The following FA2H variants were observed in gnomAD, a reference collection of about 807,000 sequenced individuals.
The protein encoded by FA2H is fatty acid 2-hydroxylase.
A neutral mutation model predicts 44.9 loss-of-function variants in FA2H; 22 were observed. That is an observed-to-expected ratio of 0.49 (90% CI 0.35 to 0.70). The LOEUF is 0.70. Among genes scored for constraint, FA2H ranks in the 30% least tolerant of loss-of-function variants. FA2H has a pLI of 0.01. For synonymous variants in FA2H, 243 were observed against 213.2 expected (o/e 1.14, Z -1.22); for missense variants, 501 against 504.9 (o/e 0.99, Z 0.07).
At chr16:74,756,391 C>A (rs1962613665) in intron 1 of FA2H, among the ~76,000 whole-genome samples, 1 of 152,132 alleles carries the variant, frequency 6.6e-6, no homozygotes, top group Admixed American at 6.5e-5. Context: ...ACACATGCTG[C>A]TGGGGGCTGC....
intron 1 of FA2H, among the ~76,000 whole-genome samples, chr16:74,748,869 T>G: frequency 6.6e-6 from 1 of 152,204 alleles, no homozygotes; most frequent in East Asian, 1.9e-4. Context: ...TCCCATAGCC[T>G]GGATTTTGCC....
intron 1 of FA2H, among the ~76,000 whole-genome samples, chr16:74,768,976 G>A (rs935940221): frequency 9.2e-5 from 14 of 152,086 alleles, no homozygotes; most frequent in African/African-American, 3.1e-4. Context: ...TCAGATATCT[G>A]CCAACGGTAG....
intron 1 of FA2H, 97 bp from the exon 2 acceptor site, chr16:74,740,212 A>G: frequency 1.0e-6 from 1 of 963,540 alleles, no homozygotes; most frequent in Middle Eastern, 2.3e-4. Flanking sequence ...GAGTGGTGAG[A>G]GCCCCGTGGG....
At chr16:74,751,226 C>A (rs143261658) in intron 1 of FA2H, among the ~76,000 whole-genome samples, 1,754 of 152,072 alleles carry the variant, frequency 0.012, 17 homozygotes, top group Middle Eastern at 0.021. Flanking sequence ...TCCCGAGTAG[C>A]TGGGATTATA....
intron 2 of FA2H, among the ~76,000 whole-genome samples, chr16:74,738,166 C>T (rs1006206281): frequency 3.9e-5 from 6 of 152,094 alleles, no homozygotes; most frequent in South Asian, 4.1e-4. Flanking sequence ...CTCGCCCTTC[C>T]GTCTCAGCCC....
intron 1 of FA2H, among the ~76,000 whole-genome samples, chr16:74,768,761 T>C (rs952679029): frequency 6.6e-6 from 1 of 152,162 alleles, no homozygotes; most frequent in Non-Finnish European, 1.5e-5. Flanking sequence ...AAGCTCTGAA[T>C]GGCCAGAGCC....
In FA2H at chr16:74,766,779, G is replaced by A. The variant is rs529913955; in HGVS notation, c.270+7707C>T. ...TGGAAACGATTACTGTGAAGAGTAA[G>A]AAAAACATCAATAATACCCCAGACA... On this transcript the variant is annotated intron_variant, in intron 1 of 6. Coordinates refer to ENST00000219368, the MANE Select transcript of FA2H (RefSeq NM_024306.5). Among the ~76,000 whole-genome samples, 12 of 152,308 alleles carry A rather than the reference G, an allele frequency of 7.9e-5. No individual in the cohort carries two copies. In the South Asian group the frequency reaches 1.9e-3, roughly 24 times the overall value.
intron 2 of FA2H, among the ~76,000 whole-genome samples, chr16:74,737,678 C>T (rs752159301): frequency 9.9e-5 from 15 of 152,196 alleles, no homozygotes; most frequent in Non-Finnish European, 1.9e-4. Flanking sequence ...GCAGCAATCA[C>T]AGTACTGAGC....
chr16:74,716,645 G>A (rs983322885), intron 5 of FA2H, 46 bp from the exon 6 acceptor site: 67 of 1,516,832 alleles, frequency 4.4e-5, no homozygotes, highest in African/African-American at 3.6e-4. Flanking sequence ...CAGGGGCCCC[G>A]GCAGCTGGCC....
chr16:74,741,368 T>G (rs1295998489), intron 1 of FA2H: 1 of 152,232 alleles, frequency 6.6e-6, no homozygotes, highest in Admixed American at 6.5e-5. Flanking sequence ...TGGCATTTTA[T>G]GGGAAAACCC....
At chr16:74,727,612 G>T (rs1961987010) in intron 2 of FA2H, among the ~76,000 whole-genome samples, 1 of 152,226 alleles carries the variant, frequency 6.6e-6, no homozygotes, top group African/African-American at 2.4e-5. Context: ...CTAAGCTGGT[G>T]TGATGAGCCA....
At chr16:74,725,404 G>A (rs1961930153) in intron 4 of FA2H, among the ~76,000 whole-genome samples, 2 of 152,164 alleles carry the variant, frequency 1.3e-5, no homozygotes, top group South Asian at 2.1e-4. Context: ...GATGCTTGTG[G>A]GGCTGGCTGT....
chr16:74,733,186 C>A (rs1962111044), intron 2 of FA2H, among the ~76,000 whole-genome samples: 2 of 152,198 alleles, frequency 1.3e-5, no homozygotes, highest in African/African-American at 4.8e-5. Context: ...TGAAGGACCA[C>A]CCTGGAGGAA....
chr16:74,734,466 G>A (rs1405525258), intron 2 of FA2H, among the ~76,000 whole-genome samples: 2 of 152,218 alleles, frequency 1.3e-5, no homozygotes, highest in Non-Finnish European at 2.9e-5. Flanking sequence ...AGGGGGAGTG[G>A]ATTCGGCCAA....
At chr16:74,769,537 A>G (rs1427916681) in intron 1 of FA2H, among the ~76,000 whole-genome samples, 2 of 152,216 alleles carry the variant, frequency 1.3e-5, no homozygotes, top group Non-Finnish European at 2.9e-5. Flanking sequence ...AAATTGGTAA[A>G]AGGCGAAAGA....
chr16:74,739,910 T>C, intron 2 of FA2H, 113 bp downstream of exon 2: 1 of 848,390 alleles, frequency 1.2e-6, no homozygotes, highest in African/African-American at 1.7e-5. Flanking sequence ...TCCTTCCCCT[T>C]CTCCCCTGGG....
intron 4 of FA2H, among the ~76,000 whole-genome samples, chr16:74,720,623 A>T (rs34937987): frequency 0.078 from 11,860 of 152,250 alleles, 620 homozygotes; most frequent in Non-Finnish European, 0.12. Context: ...AAAATATATA[A>T]TTCAGTGCTT....
intron 1 of FA2H, among the ~76,000 whole-genome samples, chr16:74,751,217 C>G (rs890294209): frequency 1.3e-5 from 2 of 152,240 alleles, no homozygotes; most frequent in Admixed American, 1.3e-4. Context: ...GCCTCAGCCT[C>G]CCGAGTAGCT....
At position 74,774,667 on chromosome 16, in the gene FA2H, C is replaced by CCGCGGCGGACCCAGCA; in HGVS notation, c.73_88dup (p.Gly30ValfsTer77). ...GCTGGAGAGGTCGTAGAGGCGGGCC[C>CCGCGGCGGACCCAGCA]CGCGGCGGACCCAGCACGCGCCGGC... On this transcript the variant is annotated frameshift_variant, in exon 1 of 7. Coordinates refer to ENST00000219368, the MANE Select transcript of FA2H (RefSeq NM_024306.5). LOFTEE classifies it high-confidence loss of function. The CCGCGGCGGACCCAGCA allele has an allele frequency of 7.0e-7, 1 of 1,432,752 alleles. No individual in the cohort carries two copies. Among genetic ancestry groups the CCGCGGCGGACCCAGCA allele is most frequent in the Non-Finnish European group, 9.1e-7 (1 of 1,096,318 alleles). 88.8% of individuals were successfully genotyped at this position (1,432,752 alleles called of 1,614,324 possible). A position where few individuals can be genotyped will look rare whatever the true frequency, so the allele number is the denominator to read the frequency against.
Sources: allele counts gnomAD v4.1 joint callset (sites outside exome capture counted in the v4.1 genomes callset), GRCh38; gene constraint gnomAD v4.1.1; transcripts MANE v1.5; gene names NCBI Gene and HGNC (gene_info 2026-07-23, HGNC 2026-07-21).